The following PHKG2 variants were observed in gnomAD, a reference collection of about 807,000 sequenced individuals.
The protein encoded by PHKG2 is phosphorylase b kinase gamma catalytic chain, liver/testis isoform.
Under a neutral mutation model 44.5 loss-of-function variants are expected in PHKG2, and 28 were observed. The observed-to-expected ratio is 0.63, with a 90% CI of 0.47 to 0.86. The LOEUF (loss-of-function observed/expected upper bound fraction) is 0.86. PHKG2 is among the 40% of genes least tolerant of loss of function. PHKG2 has a pLI of 0.00. For synonymous variants in PHKG2, 220 were observed against 211.2 expected, an observed-to-expected ratio of 1.04 and a Z score of -0.36; for missense variants, 498 against 547.5, an observed-to-expected ratio of 0.91 and a Z score of 0.90.
intron 4 of PHKG2, chr16:30,752,826 CATAATT>C (rs1397734726): frequency 6.4e-6 from 2 of 311,566 alleles, no homozygotes; most frequent in South Asian, 5.8e-5. Context: ...TTAATTGACA[CATAATT>C]ATAACCTCAG....
Position 30,756,965 on chromosome 16 carries a change from G to A in PHKG2, c.1089G>A (p.Lys363=). The part of the protein sequence containing the change: ...CAFRLYGHWV[K]KGEQQNRAAL... Reference sequence around the variant, plus strand: ...TCCGGCTCTACGGGCACTGGGTAAAGAAAGGGGAGCAGCAGAACCGGGCGG... The same window carrying A: ...TCCGGCTCTACGGGCACTGGGTAAAAAAAGGGGAGCAGCAGAACCGGGCGG... The change falls in exon 10 of 10, where the codon AAG becomes AAA. Residue 363 remains lysine (K), a synonymous_variant. Coordinates refer to ENST00000563588, the MANE Select transcript of PHKG2 (RefSeq NM_000294.3). The A allele has an allele frequency of 6.2e-7, 1 of 1,613,202 alleles. No individual in the cohort carries two copies. Among genetic ancestry groups the A allele is most frequent in the Non-Finnish European group, 8.5e-7 (1 of 1,180,032 alleles).
At position 30,761,159 on chromosome 16, in the gene PHKG2, C is replaced by T. The variant is rs984382146; in HGVS notation, c.*4062C>T. 6.2e-7 allele frequency: 1 copy of T among 1,607,454 alleles called. No homozygotes were observed. The highest frequency in any genetic ancestry group is 1.7e-5 in the Admixed American group (1 of 59,916). On this transcript the variant is annotated 3_prime_UTR_variant, in exon 10 of 10. Coordinates refer to ENST00000563588, the MANE Select transcript of PHKG2 (RefSeq NM_000294.3). ...GGACTGTTGGGGAGACAATAAAGAA[C>T]GCAAATATTCAGTGTAATTTTTGTC...
intron 2 of PHKG2, among the ~76,000 whole-genome samples, chr16:30,749,118 C>G (rs184791106): frequency 0.12 from 693 of 5,888 alleles, 191 homozygotes; most frequent in East Asian, 0.33. Context: ...GCTGGTGGTG[C>G]TGGTGCTGGT....
intron 6 of PHKG2, among the ~76,000 whole-genome samples, 158 bp downstream of exon 6, chr16:30,753,715 C>T (rs1437676941): frequency 2.0e-5 from 3 of 152,128 alleles, no homozygotes; most frequent in Non-Finnish European, 4.4e-5. Context: ...CTATGTTTAC[C>T]TCAGAGTGGG....
Position 30,760,803 on chromosome 16 carries a change from C to A in PHKG2, c.*3706C>A. On this transcript the variant is annotated 3_prime_UTR_variant, in exon 10 of 10. Coordinates refer to ENST00000563588, the MANE Select transcript of PHKG2 (RefSeq NM_000294.3). The stretch of plus-strand genomic sequence containing the variant: ...TTTGCCAGCTTGCTGTGTGACTATG[C>A]AAATCGTTAACTCTCTGGGCCTAAA... 3 of 767,386 alleles carry A rather than the reference C, an allele frequency of 3.9e-6. No individual in the cohort carries two copies. The highest frequency in any genetic ancestry group is 6.7e-6 in the Non-Finnish European group (3 of 448,388). 47.5% of individuals were successfully genotyped at this position (767,386 alleles called of 1,614,324 possible).
intron 2 of PHKG2, 59 bp from the exon 3 acceptor site, chr16:30,751,047 G>T (rs1237814704): frequency 2.6e-6 from 4 of 1,560,900 alleles, no homozygotes; most frequent in Non-Finnish European, 8.8e-7. Flanking sequence ...TGAGGCCCCA[G>T]CCTGTGCGGA....
intron 6 of PHKG2, chr16:30,755,364 AC>A (rs2053403325): frequency 6.3e-6 from 1 of 157,486 alleles, no homozygotes; most frequent in African/African-American, 2.4e-5. Context: ...CAAAGGACTT[AC>A]CCATTATGTG....
chr16:30,759,544 G>GA lies in PHKG2; in HGVS notation c.*2448dup. The GA allele has an allele frequency of 6.2e-7, 1 of 1,614,126 alleles. No homozygotes were observed. Among genetic ancestry groups the GA allele is most frequent in the Non-Finnish European group, 8.5e-7 (1 of 1,180,010 alleles). On this transcript the variant is annotated 3_prime_UTR_variant, in exon 10 of 10. Coordinates refer to ENST00000563588, the MANE Select transcript of PHKG2 (RefSeq NM_000294.3). ...AAAAGCCCAGCAACAGGAGCAAGGA[G>GA]AGCCCACTGGGGTCTTCACAAGAAG...
chr16:30,755,185 T>G (rs2053400787), intron 6 of PHKG2: 1 of 285,384 alleles, frequency 3.5e-6, no homozygotes, highest in African/African-American at 2.2e-5. Context: ...AAGGCTACAA[T>G]GAGCTGTGAT....
At chr16:30,753,687 A>G in intron 6 of PHKG2, 130 bp downstream of exon 6, 4 of 873,036 alleles carry the variant, frequency 4.6e-6, no homozygotes, top group Non-Finnish European at 7.3e-6. Context: ...CTTGCCAAGT[A>G]TCCTGTGGGC....
Position 30,757,322 on chromosome 16 carries a change from C to T in PHKG2, c.*225C>T. On this transcript the variant is annotated 3_prime_UTR_variant, in exon 10 of 10. Coordinates refer to ENST00000563588, the MANE Select transcript of PHKG2 (RefSeq NM_000294.3). ...GCCACGCCTGGCCCGGTCAGTGCTG[C>T]ATGCACTGCATATGAAATAAAATCT... is the stretch of plus-strand genomic sequence containing the variant. The T allele has an allele frequency of 1.3e-6, 2 of 1,530,940 alleles. No individual in the cohort carries two copies. The highest frequency in any genetic ancestry group is 1.7e-6 in the Non-Finnish European group (2 of 1,144,910). The allele number at this position is 1,530,940 out of a possible 1,614,324, so 94.8% of individuals were successfully genotyped here.
intron 2 of PHKG2, 64 bp from the exon 3 acceptor site, chr16:30,751,041 GC>G: frequency 1.3e-6 from 2 of 1,538,340 alleles, no homozygotes. Flanking sequence ...GGATGCTGAG[GC>G]CCCAGCCTGT....
At chr16:30,755,767 C>T (rs1217361400) in intron 6 of PHKG2, among the ~76,000 whole-genome samples, 2 of 151,778 alleles carry the variant, frequency 1.3e-5, no homozygotes, top group Non-Finnish European at 2.9e-5. Flanking sequence ...GAGGTTTGGG[C>T]AGATAGGAAT....
In PHKG2 at chr16:30,758,636, G is replaced by A. The variant is rs2053534100; in HGVS notation, c.*1539G>A. On this transcript the variant is annotated 3_prime_UTR_variant, in exon 10 of 10. Transcript: ENST00000563588. ...AGTGGCCAGATCTTGGCTCACTGCA[G>A]TCTCCACCTCCTGGGTTCATGCAGT... 2 of 275,268 alleles carry A rather than the reference G, an allele frequency of 7.3e-6. No individual in the cohort carries two copies. The highest frequency in any genetic ancestry group is 1.4e-5 in the Non-Finnish European group (2 of 141,452). The allele number at this position is 275,268 out of a possible 1,614,324, so 17.1% of individuals were successfully genotyped here. A position where few individuals can be genotyped will look rare whatever the true frequency, so the allele number is the denominator to read the frequency against.
rs552438292 is a variant in PHKG2 at position 30,757,245 on chromosome 16, A to C, written c.*148A>C. 5 of 1,565,150 alleles carry C rather than the reference A, an allele frequency of 3.2e-6. No homozygotes were observed. The highest frequency in any genetic ancestry group is 3.7e-5 in the Admixed American group (2 of 54,356). ...AGACCAGCCCGGTACCTCTCTCCCC[A>C]CTGGCCAGGACTCTGAGATCAGAGC... is the stretch of plus-strand genomic sequence containing the variant. On this transcript the variant is annotated 3_prime_UTR_variant, in exon 10 of 10. Transcript: ENST00000563588.
At chr16:30,750,384 G>C (rs899410464) in intron 2 of PHKG2, among the ~76,000 whole-genome samples, 1 of 152,164 alleles carries the variant, frequency 6.6e-6, no homozygotes, top group Non-Finnish European at 1.5e-5. Flanking sequence ...TCTGCGAAGG[G>C]CAGCCAGGGA....
rs778737777 is a variant in PHKG2 at position 30,751,141 on chromosome 16, G to A, written c.131G>A (p.Arg44Gln). Residue 44 changes from arginine (R) to glutamine (Q), a missense_variant, in exon 3 of 10, where the codon CGA (arginine) becomes CAA (glutamine). Coordinates refer to ENST00000563588, the MANE Select transcript of PHKG2 (RefSeq NM_000294.3). Reference protein sequence around the residue: ...VSSVVRRCVHRATGHEFAVKI... With the variant: ...VSSVVRRCVHQATGHEFAVKI... ...TCTGTGGTCCGCCGTTGTGTTCATC[G>A]AGCTACTGGCCACGAGTTTGCGGTG... The A allele has an allele frequency of 3.7e-6, 6 of 1,613,870 alleles. No homozygotes were observed. Among genetic ancestry groups the A allele is most frequent in the East Asian group, 2.2e-5 (1 of 44,882 alleles).
chr16:30,752,631 T>A (rs1029287610), intron 4 of PHKG2: 1 of 153,704 alleles, frequency 6.5e-6, no homozygotes, highest in Admixed American at 6.4e-5. Context: ...TGGAAAAAAT[T>A]CATGAAGGCT....
In PHKG2 at chr16:30,756,284, G is replaced by A; in HGVS notation, c.647+12G>A. The A allele has an allele frequency of 6.2e-7, 1 of 1,614,020 alleles. No homozygotes were observed. The highest frequency in any genetic ancestry group is 8.5e-7 in the Non-Finnish European group (1 of 1,179,926). On this transcript the variant is annotated intron_variant, in intron 7 of 9. Coordinates refer to ENST00000563588, the MANE Select transcript of PHKG2 (RefSeq NM_000294.3). ...AAGGAGGTCGACCTGTGAGTTCCTG[G>A]TCTCCCCCTCCCTCCCGTGCTTGCT...
Sources: gnomAD v4.1 joint callset for allele counts (sites outside exome capture counted in the v4.1 genomes callset) on GRCh38, gnomAD v4.1.1 for gene constraint, MANE v1.5 for transcripts, NCBI Gene and HGNC (gene_info 2026-07-23, HGNC 2026-07-21) for gene names.